The following TTC34 variants were observed in gnomAD, a reference collection of about 807,000 sequenced individuals.
TTC34 encodes tetratricopeptide repeat domain 34.
TTC34 carries 44 observed loss-of-function variants against 40.7 expected under a neutral mutation model. The observed-to-expected ratio is 1.08, with a 90% CI of 0.85 to 1.39. The LOEUF is 1.39. Among genes scored for constraint, TTC34 ranks in the 40% most tolerant of loss-of-function variants. The probability of loss-of-function intolerance (pLI) is 0.00; values close to 1 mark genes in which losing one functional copy is unlikely to be tolerated. For synonymous variants in TTC34, 422 were observed against 398.6 expected (o/e 1.06, Z -0.70); for missense variants, 884 against 838.0 (o/e 1.05, Z -0.68).
chr1:2,686,617 T>C (rs1385044628), intron 6 of TTC34, among the ~76,000 whole-genome samples: 9 of 150,684 alleles, frequency 6.0e-5, no homozygotes, highest in Non-Finnish European at 7.4e-5. Context: ...GGCGAGCATC[T>C]GACAGCATGT....
exon 4 of TTC34, chr1:2,787,640 A>G (rs969887823): frequency 4.5e-6 from 7 of 1,549,842 alleles, no homozygotes; most frequent in African/African-American, 1.4e-5. Context: ...CCAGGAGGCG[A>G]GAGGCCTCGT....
At chr1:2,764,407 G>C (rs1641734075) in intron 6 of TTC34, among the ~76,000 whole-genome samples, 1 of 145,386 alleles carries the variant, frequency 6.9e-6, no homozygotes, top group Non-Finnish European at 1.5e-5. Flanking sequence ...TGACAGCCTG[G>C]AGCAGCACCC....
chr1:2,677,932 C>A (rs113988318), intron 6 of TTC34, among the ~76,000 whole-genome samples: 1 of 39,256 alleles, frequency 2.5e-5, no homozygotes. Flanking sequence ...GCACCCTGCA[C>A]CCCCAGGTGA....
intron 6 of TTC34, among the ~76,000 whole-genome samples, chr1:2,772,699 G>A (rs1246437841): frequency 4.2e-4 from 10 of 24,024 alleles, no homozygotes; most frequent in Admixed American, 2.1e-3. Context: ...ACACCCACAG[G>A]TGAGCATCTG....
rs1342239882 is a variant in TTC34 at position 2,694,576 on chromosome 1, G to T, written c.2227-49013C>A. 2.9e-5 allele frequency among the ~76,000 whole-genome samples: 3 copies of T among 102,638 alleles called. 1 individual carries two copies. Among genetic ancestry groups the T allele is most frequent in the Non-Finnish European group, 6.2e-5 (3 of 48,250 alleles). The allele number at this position is 102,638 out of a possible 152,430, so 67.3% of individuals were successfully genotyped here. On this transcript the variant is annotated intron_variant, in intron 6 of 8. Coordinates refer to ENST00000401095, the Ensembl canonical transcript of TTC34. Reference sequence around the variant, plus strand: ...CCACAGGTGAGCATCTGACAGCCTGGAACAGTACCCACACCCACAGGCGAG... The same window carrying T: ...CCACAGGTGAGCATCTGACAGCCTGTAACAGTACCCACACCCACAGGCGAG...
At chr1:2,683,468 C>A (rs1381489513) in intron 6 of TTC34, among the ~76,000 whole-genome samples, 1 of 151,650 alleles carries the variant, frequency 6.6e-6, no homozygotes, top group Non-Finnish European at 1.5e-5. Context: ...GAGCAGCACC[C>A]ACACCACCAG....
chr1:2,641,357 G>A, exon 9 of TTC34: 1 of 1,489,860 alleles, frequency 6.7e-7, no homozygotes, highest in Non-Finnish European at 8.9e-7. Flanking sequence ...CTGGGAGAGG[G>A]TCAGGCCCAG....
At chr1:2,649,810 G>C (rs1184134808) in intron 6 of TTC34, among the ~76,000 whole-genome samples, 1 of 152,068 alleles carries the variant, frequency 6.6e-6, no homozygotes, top group East Asian at 1.9e-4. Flanking sequence ...CATCGCACCT[G>C]GCTGATCATC....
intron 6 of TTC34, among the ~76,000 whole-genome samples, chr1:2,751,697 A>G (rs1641326071): frequency 2.1e-5 from 3 of 141,330 alleles, no homozygotes; most frequent in African/African-American, 8.3e-5. Flanking sequence ...ACCCCAAGCG[A>G]GCATCCGACA....
chr1:2,695,881 G>C (rs1640841971), intron 6 of TTC34, among the ~76,000 whole-genome samples: 1 of 149,126 alleles, frequency 6.7e-6, no homozygotes, highest in Non-Finnish European at 1.5e-5. Flanking sequence ...CACACCCCGA[G>C]GCGAGCATCT....
chr1:2,682,098 C>A (rs1243474393), intron 6 of TTC34, among the ~76,000 whole-genome samples: 5 of 136,742 alleles, frequency 3.7e-5, no homozygotes, highest in Non-Finnish European at 8.0e-5. Context: ...CCTGGAGCAG[C>A]ACCCACACCC....
intron 6 of TTC34, among the ~76,000 whole-genome samples, chr1:2,675,676 A>AC (rs1639887749): frequency 8.0e-6 from 1 of 125,426 alleles, no homozygotes; most frequent in Non-Finnish European, 1.7e-5. Flanking sequence ...CTGGAGCAGC[A>AC]CCCACACCCC....
Position 2,782,018 on chromosome 1 carries a change from T to C in TTC34, c.2226+1591A>G, listed in dbSNP as rs191622205. Among the ~76,000 whole-genome samples the C allele has an allele frequency of 2.6e-4, 40 of 152,352 alleles. 1 individual carries two copies. Among genetic ancestry groups the C allele is most frequent in the Admixed American group, 1.9e-3 (29 of 15,306 alleles). On this transcript the variant is annotated intron_variant, in intron 6 of 8. Transcript: ENST00000401095. ...TGGTATCAGGGTAATGCTGGCCTCATAGAATGAGTCTGAGGAAGTGTTCCT... is the reference window on the plus strand; with the variant it reads ...TGGTATCAGGGTAATGCTGGCCTCACAGAATGAGTCTGAGGAAGTGTTCCT...
chr1:2,648,603 G>T (rs941351412), intron 6 of TTC34, among the ~76,000 whole-genome samples: 12 of 150,874 alleles, frequency 8.0e-5, no homozygotes, highest in Admixed American at 7.9e-4. Flanking sequence ...GTGAGCATCT[G>T]ACAGCCTGGA....
At chr1:2,762,051 C>A (rs1272434856) in intron 6 of TTC34, among the ~76,000 whole-genome samples, 1 of 56,346 alleles carries the variant, frequency 1.8e-5, no homozygotes, top group Admixed American at 1.7e-4. Flanking sequence ...GCGCCCACAC[C>A]CCCGGGCGAG....
At chr1:2,641,440 G>T in exon 9 of TTC34, 1 of 1,535,278 alleles carries the variant, frequency 6.5e-7, no homozygotes, top group African/African-American at 1.4e-5. Flanking sequence ...CACGGTGGTC[G>T]GGGTCCACCA....
In TTC34 at chr1:2,751,175, C is replaced by A. The variant is rs1381574166; in HGVS notation, c.2226+32434G>T. ...CTGGAGCAGCACGCACATCCCCAGGCGAGCATCCGACAGCCTGGAGCAGCA... is the reference window on the plus strand; with the variant it reads ...CTGGAGCAGCACGCACATCCCCAGGAGAGCATCCGACAGCCTGGAGCAGCA... On this transcript the variant is annotated intron_variant, in intron 6 of 8. Coordinates refer to ENST00000401095, the Ensembl canonical transcript of TTC34. 1.1e-4 allele frequency among the ~76,000 whole-genome samples: 4 copies of A among 35,126 alleles called. 1 individual carries two copies. In the South Asian group the frequency reaches 2.8e-3, roughly 25 times the overall value. The allele number at this position is 35,126 out of a possible 152,430, so 23.0% of individuals were successfully genotyped here.
At chr1:2,749,656 A>C (rs1475925078) in intron 6 of TTC34, among the ~76,000 whole-genome samples, 1 of 101,330 alleles carries the variant, frequency 9.9e-6, no homozygotes, top group Admixed American at 1.0e-4. Flanking sequence ...AGAGGTGAGC[A>C]TCCGACAGCC....
chr1:2,656,287 C>A (rs1459922755), intron 6 of TTC34, among the ~76,000 whole-genome samples: 1 of 151,428 alleles, frequency 6.6e-6, no homozygotes, highest in Non-Finnish European at 1.5e-5. Flanking sequence ...CCTGGAAGAG[C>A]ACCCACACCC....
Sources: allele counts gnomAD v4.1 joint callset (sites outside exome capture counted in the v4.1 genomes callset), GRCh38; gene constraint gnomAD v4.1.1; transcripts MANE v1.5; gene names NCBI Gene and HGNC (gene_info 2026-07-23, HGNC 2026-07-21).